ZNF804B: variants seen among roughly 807,000 people sequenced by gnomAD.
The protein encoded by ZNF804B is zinc finger 804B.
In ZNF804B, 80 loss-of-function variants were observed where a neutral mutation model predicts 101.4. The observed-to-expected ratio is 0.79, with a 90% confidence interval of 0.66 to 0.95. The LOEUF (loss-of-function observed/expected upper bound fraction) is 0.95, where lower values mean the gene tolerates loss of function less well. Among genes scored for constraint, ZNF804B ranks in the 40% least tolerant of loss-of-function variants. The pLI is 0.00. For missense variants in ZNF804B, 1,673 were observed against 1,561.9 expected, an observed-to-expected ratio of 1.07 and a Z score of -1.20; for synonymous variants, 622 against 558.8, an observed-to-expected ratio of 1.11 and a Z score of -1.59.
At chr7:89,236,699 T>A (rs1159213763) in intron 2 of ZNF804B, among the ~76,000 whole-genome samples, 2 of 152,108 alleles carry the variant, frequency 1.3e-5, no homozygotes, top group African/African-American at 4.8e-5. Context: ...GCATACATAA[T>A]TTAAGTTTTA....
At chr7:89,196,792 TA>T (rs1788560316) in intron 1 of ZNF804B, among the ~76,000 whole-genome samples, 1 of 148,742 alleles carries the variant, frequency 6.7e-6, no homozygotes, top group African/African-American at 2.4e-5. Flanking sequence ...AAAACCCTAT[TA>T]AAAAATGGGC....
intron 1 of ZNF804B, among the ~76,000 whole-genome samples, chr7:88,979,782 TC>T (rs1275818922): frequency 6.6e-5 from 10 of 151,872 alleles, no homozygotes; most frequent in Non-Finnish European, 1.0e-4. Flanking sequence ...TCTGTTAATA[TC>T]CTTTTGAATG....
intron 1 of ZNF804B, among the ~76,000 whole-genome samples, chr7:89,117,014 G>A (rs1473426269): frequency 3.3e-5 from 5 of 152,178 alleles, no homozygotes; most frequent in Admixed American, 2.6e-4. Context: ...ACCACACAGA[G>A]AAGGCAACAG....
chr7:89,177,772 G>A (rs1411051504), intron 1 of ZNF804B, among the ~76,000 whole-genome samples: 1 of 151,696 alleles, frequency 6.6e-6, no homozygotes, highest in Non-Finnish European at 1.5e-5. Flanking sequence ...GCTTTATATT[G>A]GCCAGGTGCG....
At chr7:89,044,744 G>T (rs759765565) in intron 1 of ZNF804B, among the ~76,000 whole-genome samples, 2 of 152,122 alleles carry the variant, frequency 1.3e-5, no homozygotes, top group Non-Finnish European at 2.9e-5. Flanking sequence ...AGATGACTTA[G>T]GGTATCTGGC....
intron 2 of ZNF804B, among the ~76,000 whole-genome samples, chr7:89,226,969 A>G (rs975497888): frequency 6.6e-6 from 1 of 152,160 alleles, no homozygotes; most frequent in African/African-American, 2.4e-5. Flanking sequence ...TCCCTTACAC[A>G]TATATAGTAA....
At chr7:89,113,426 G>A (rs1424208792) in intron 1 of ZNF804B, among the ~76,000 whole-genome samples, 1 of 151,986 alleles carries the variant, frequency 6.6e-6, no homozygotes, top group Non-Finnish European at 1.5e-5. Flanking sequence ...CAAATTTCAT[G>A]GACATGAAAT....
intron 1 of ZNF804B, among the ~76,000 whole-genome samples, chr7:88,803,215 T>C (rs1038133614): frequency 1.3e-5 from 2 of 152,068 alleles, no homozygotes; most frequent in Admixed American, 1.3e-4. Context: ...ATGATACATG[T>C]GTTGCTTTGT....
chr7:89,245,542 A>G (rs982991627), intron 2 of ZNF804B, among the ~76,000 whole-genome samples: 3 of 152,234 alleles, frequency 2.0e-5, no homozygotes, highest in African/African-American at 7.2e-5. Flanking sequence ...AGGAAATTTT[A>G]CATACTTGGA....
At chr7:88,835,086 A>G (rs1791191726) in intron 1 of ZNF804B, among the ~76,000 whole-genome samples, 1 of 151,876 alleles carries the variant, frequency 6.6e-6, no homozygotes, top group Non-Finnish European at 1.5e-5. Flanking sequence ...TTCTATTTTT[A>G]TATTACTTTA....
At chr7:89,046,792 C>CCAAGG (rs1247727108) in intron 1 of ZNF804B, among the ~76,000 whole-genome samples, 3 of 151,730 alleles carry the variant, frequency 2.0e-5, no homozygotes, top group African/African-American at 2.4e-5. Context: ...TATTACTTAT[C>CCAAGG]ATTTTTTTTT....
chr7:89,265,303 C>CGCAT lies in ZNF804B; in HGVS notation c.249+47010_249+47011insATGC, dbSNP rs1554386429. Among the ~76,000 whole-genome samples the CGCAT allele has an allele frequency of 4.4e-5, 6 of 135,992 alleles. No individual in the cohort carries two copies. In the East Asian group the frequency reaches 1.2e-3, roughly 28 times the overall value. The allele number at this position is 135,992 out of a possible 152,430, so 89.2% of individuals were successfully genotyped here. A position where few individuals can be genotyped will look rare whatever the true frequency, so the allele number is the denominator to read the frequency against. On this transcript the variant is annotated intron_variant, in intron 2 of 3. Coordinates refer to ENST00000333190, the MANE Select transcript of ZNF804B (RefSeq NM_181646.5). ...GTGTGTGTGTGTGTGTGCGCGTGCG[C>CGCAT]GCGCGCACACATGCACGTGCACAGG...
At chr7:89,155,986 C>T (rs1189109000) in intron 1 of ZNF804B, among the ~76,000 whole-genome samples, 1 of 136,466 alleles carries the variant, frequency 7.3e-6, no homozygotes, top group African/African-American at 2.6e-5. Context: ...TTCCTTCCTT[C>T]CTTTCCTTCT....
intron 1 of ZNF804B, among the ~76,000 whole-genome samples, chr7:88,893,622 A>G (rs1385831740): frequency 1.3e-5 from 2 of 152,196 alleles, no homozygotes; most frequent in East Asian, 3.8e-4. Context: ...ATTTGACTTA[A>G]AAGTGTGGCT....
intron 2 of ZNF804B, among the ~76,000 whole-genome samples, chr7:89,286,443 A>G (rs768752501): frequency 3.3e-5 from 5 of 152,234 alleles, no homozygotes; most frequent in Admixed American, 1.3e-4. Flanking sequence ...ACAATTAATT[A>G]CTACTGGAGA....
intron 1 of ZNF804B, among the ~76,000 whole-genome samples, chr7:89,144,243 A>G (rs899402770): frequency 6.6e-6 from 1 of 152,038 alleles, no homozygotes. Context: ...CCTATAACAT[A>G]TATATGTCAT....
chr7:88,865,599 G>A (rs1393834831), intron 1 of ZNF804B, among the ~76,000 whole-genome samples: 1 of 152,068 alleles, frequency 6.6e-6, no homozygotes, highest in Non-Finnish European at 1.5e-5. Flanking sequence ...AAACTTCTGT[G>A]ACCCCAAATT....
intron 2 of ZNF804B, among the ~76,000 whole-genome samples, chr7:89,295,955 G>A (rs920315194): frequency 3.0e-4 from 45 of 152,026 alleles, no homozygotes; most frequent in African/African-American, 9.7e-4. Flanking sequence ...CTTTGAATAC[G>A]CAAAGGCATA....
chr7:89,319,765 T>C (rs1291643767), intron 2 of ZNF804B, among the ~76,000 whole-genome samples: 1 of 152,162 alleles, frequency 6.6e-6, no homozygotes, highest in African/African-American at 2.4e-5. Context: ...AGTGTCTATA[T>C]GCAAATCAGG....
Sources: allele counts gnomAD v4.1 joint callset (sites outside exome capture counted in the v4.1 genomes callset), GRCh38; gene constraint gnomAD v4.1.1; transcripts MANE v1.5; gene names NCBI Gene and HGNC (gene_info 2026-07-23, HGNC 2026-07-21).